GABRG3: variants seen among roughly 807,000 people sequenced by gnomAD.
The protein encoded by GABRG3 is gamma-aminobutyric acid type A receptor subunit gamma3, also known as gamma-aminobutyric acid receptor subunit gamma-3.
Under a neutral mutation model 48.8 loss-of-function variants are expected in GABRG3, and 25 were observed. The observed-to-expected ratio is 0.51, with a 90% CI of 0.37 to 0.72. The LOEUF (loss-of-function observed/expected upper bound fraction) is 0.72, where lower values mean the gene tolerates loss of function less well. GABRG3 is among the 30% of genes least tolerant of loss of function. The probability of loss-of-function intolerance (pLI) is 0.00; values close to 1 mark genes in which losing one functional copy is unlikely to be tolerated. For missense variants in GABRG3, 394 were observed against 577.9 expected (o/e 0.68, Z 3.26); for synonymous variants, 227 against 217.6 (o/e 1.04, Z -0.38).
intron 3 of GABRG3, among the ~76,000 whole-genome samples, chr15:27,223,247 A>AT (rs1482755560): frequency 1.3e-5 from 2 of 152,164 alleles, no homozygotes; most frequent in Non-Finnish European, 2.9e-5. Flanking sequence ...ATTAGAATAT[A>AT]TTTTTTCTAC....
chr15:27,366,830 C>G (rs1419077186), intron 5 of GABRG3, among the ~76,000 whole-genome samples: 1 of 152,168 alleles, frequency 6.6e-6, no homozygotes, highest in East Asian at 1.9e-4. Flanking sequence ...GCCCGTGTCC[C>G]CCTGCCCACC....
intron 3 of GABRG3, among the ~76,000 whole-genome samples, chr15:27,104,696 G>C (rs1212804276): frequency 1.3e-5 from 2 of 152,150 alleles, no homozygotes; most frequent in Non-Finnish European, 2.9e-5. Context: ...AAAGCCCCAG[G>C]TGCTGTTTGC....
At chr15:27,354,292 C>T (rs1331965822) in intron 5 of GABRG3, among the ~76,000 whole-genome samples, 2 of 152,228 alleles carry the variant, frequency 1.3e-5, no homozygotes, top group African/African-American at 2.4e-5. Context: ...CAAGCCCCTG[C>T]GTACCTCCTT....
chr15:27,253,541 A>G (rs538423830), intron 3 of GABRG3, among the ~76,000 whole-genome samples: 1 of 152,320 alleles, frequency 6.6e-6, no homozygotes, highest in South Asian at 2.1e-4. Context: ...GGGAGTATTG[A>G]TGCCTTCTAC....
chr15:27,108,673 G>A (rs143128796), intron 3 of GABRG3, among the ~76,000 whole-genome samples: 9 of 152,200 alleles, frequency 5.9e-5, no homozygotes, highest in African/African-American at 1.9e-4. Context: ...TGATGCAGTC[G>A]AATCTACCTA....
At chr15:27,375,502 C>T (rs1159052422) in intron 5 of GABRG3, among the ~76,000 whole-genome samples, 3 of 152,116 alleles carry the variant, frequency 2.0e-5, no homozygotes, top group Non-Finnish European at 4.4e-5. Flanking sequence ...ATGTATTAGT[C>T]CATTTTTATG....
At chr15:27,362,765 G>A (rs1392985344) in intron 5 of GABRG3, 3 of 152,114 alleles carry the variant, frequency 2.0e-5, no homozygotes, top group Non-Finnish European at 4.4e-5. Context: ...TATTCTCATG[G>A]CTTCTAACCG....
chr15:27,144,481 T>C (rs1261708249), intron 3 of GABRG3, among the ~76,000 whole-genome samples: 1 of 152,224 alleles, frequency 6.6e-6, no homozygotes, highest in Non-Finnish European at 1.5e-5. Context: ...GTAGAAATAG[T>C]CTTTTCTTCG....
At chr15:27,490,214 A>G (rs957101418) in intron 6 of GABRG3, among the ~76,000 whole-genome samples, 6 of 152,172 alleles carry the variant, frequency 3.9e-5, no homozygotes, top group African/African-American at 1.4e-4. Flanking sequence ...TAGTTGGTTG[A>G]TATTTATTTT....
At chr15:27,488,311 G>GA (rs1890267608) in intron 6 of GABRG3, among the ~76,000 whole-genome samples, 2 of 152,308 alleles carry the variant, frequency 1.3e-5, no homozygotes, top group South Asian at 4.1e-4. Flanking sequence ...GCCCCATAGT[G>GA]ACACTTAGCA....
chr15:27,438,140 A>ACCTT (rs1028836637), intron 5 of GABRG3, among the ~76,000 whole-genome samples: 66 of 152,188 alleles, frequency 4.3e-4, no homozygotes, highest in African/African-American at 1.6e-3. Flanking sequence ...CTGCTGAAGG[A>ACCTT]GACAGTCTTC....
At chr15:27,116,491 AAGGAAAG>A (rs1897643895) in intron 3 of GABRG3, among the ~76,000 whole-genome samples, 1 of 152,204 alleles carries the variant, frequency 6.6e-6, no homozygotes, top group Non-Finnish European at 1.5e-5. Context: ...TGCCAGGAAT[AAGGAAAG>A]ATTCTAGCAA....
rs1053391233 is a variant in GABRG3 at position 27,261,280 on chromosome 15, T to G, written c.271-65529T>G. Among the ~76,000 whole-genome samples the G allele has an allele frequency of 2.0e-5, 3 of 152,208 alleles. No homozygotes were observed. The East Asian group carries it at 5.8e-4, about 29-fold the overall frequency. ...TATAACTAATAGTCTTATATCCATA[T>G]TGGGAAGACTGGTTTGATGTATTGG... On this transcript the variant is annotated intron_variant, in intron 3 of 9. Transcript: ENST00000615808.
chr15:27,339,387 G>C (rs1014098423), intron 5 of GABRG3, among the ~76,000 whole-genome samples: 4 of 152,218 alleles, frequency 2.6e-5, no homozygotes, highest in Middle Eastern at 3.2e-3. Context: ...TGGGAACCAG[G>C]CTTCCCATCA....
intron 3 of GABRG3, among the ~76,000 whole-genome samples, chr15:27,260,860 G>C (rs978801477): frequency 6.6e-6 from 1 of 152,174 alleles, no homozygotes; most frequent in Non-Finnish European, 1.5e-5. Context: ...ATGTGGTCGG[G>C]AGCAGGAGTG....
intron 3 of GABRG3, among the ~76,000 whole-genome samples, chr15:27,282,208 G>T (rs1891456812): frequency 6.6e-6 from 1 of 152,074 alleles, no homozygotes; most frequent in Non-Finnish European, 1.5e-5. Flanking sequence ...GATTACTTTG[G>T]GGTTAGCCTG....
rs1894855362 is a variant in GABRG3 at position 27,356,709 on chromosome 15, C to T, written c.574+27821C>T. 2.0e-5 allele frequency among the ~76,000 whole-genome samples: 3 copies of T among 152,218 alleles called. 1 individual carries two copies. The South Asian group carries it at 6.2e-4, about 32-fold the overall frequency. ...GAGTTTAACCAACCCAAACAGTCAA[C>T]AGTCAGAAATGGGTTAAATAAATCC... On this transcript the variant is annotated intron_variant, in intron 5 of 9. Transcript: ENST00000615808.
chr15:27,156,286 G>A (rs550059077), intron 3 of GABRG3, among the ~76,000 whole-genome samples: 13 of 113,506 alleles, frequency 1.1e-4, no homozygotes, highest in East Asian at 9.6e-4. Flanking sequence ...GTGACAGAGC[G>A]ACACTCTGTC....
chr15:27,429,743 A>C (rs1397588526), intron 5 of GABRG3, among the ~76,000 whole-genome samples: 1 of 152,210 alleles, frequency 6.6e-6, no homozygotes, highest in African/African-American at 2.4e-5. Flanking sequence ...TTATATTAGT[A>C]CCGCATTCCT....
Sources: allele counts gnomAD v4.1 joint callset (sites outside exome capture counted in the v4.1 genomes callset), GRCh38; gene constraint gnomAD v4.1.1; transcripts MANE v1.5; gene names NCBI Gene and HGNC (gene_info 2026-07-23, HGNC 2026-07-21).